Variants in TTC9 observed in about 807,000 individuals in gnomAD.
TTC9 encodes tetratricopeptide repeat protein 9A.
In TTC9, 13 loss-of-function variants were observed where a neutral mutation model predicts 22.9. The ratio of observed to expected loss-of-function variants is 0.57; its 90% CI spans 0.37 to 0.90. The LOEUF (loss-of-function observed/expected upper bound fraction) is 0.90. Ranked by LOEUF, TTC9 falls within the 40% of genes least tolerant of loss-of-function variation. The pLI is 0.01. For synonymous variants in TTC9, 148 were observed against 133.2 expected (o/e 1.11, Z -0.77); for missense variants, 280 against 291.8 (o/e 0.96, Z 0.29).
chr14:70,670,873 C>A (rs1470132432), intron 2 of TTC9, among the ~76,000 whole-genome samples: 1 of 151,996 alleles, frequency 6.6e-6, no homozygotes, highest in Non-Finnish European at 1.5e-5. Flanking sequence ...TCATGCCAAC[C>A]TGTCCACATT....
At chr14:70,654,378 G>T (rs1261430988) in intron 1 of TTC9, among the ~76,000 whole-genome samples, 1 of 151,886 alleles carries the variant, frequency 6.6e-6, no homozygotes, top group Admixed American at 6.6e-5. Context: ...ACCACCTGAG[G>T]TCAGGAGTTT....
chr14:70,651,605 G>C (rs1885985801), intron 1 of TTC9, among the ~76,000 whole-genome samples: 1 of 152,144 alleles, frequency 6.6e-6, no homozygotes, highest in South Asian at 2.1e-4. Flanking sequence ...CACACAAAGG[G>C]CTAGATCCTG....
At chr14:70,663,106 TC>T (rs1886167187) in intron 1 of TTC9, among the ~76,000 whole-genome samples, 2 of 152,180 alleles carry the variant, frequency 1.3e-5, no homozygotes, top group Admixed American at 6.5e-5. Context: ...CACAATGAAG[TC>T]CCAGATCTTC....
At position 70,642,011 on chromosome 14, in the gene TTC9, G is replaced by A. The variant is rs571760455; in HGVS notation, c.-119G>A. 232 of 656,882 alleles carry A rather than the reference G, an allele frequency of 3.5e-4. 2 individuals carry two copies. The African/African-American group carries it at 4.3e-3, about 12-fold the overall frequency. 40.7% of individuals were successfully genotyped at this position (656,882 alleles called of 1,614,324 possible). Reference sequence around the variant, plus strand: ...CAGACCGCCGCGGGGTGTCACGGCCGCCACGAAGCCTGCGAGGCGCGGGGC... The same window carrying A: ...CAGACCGCCGCGGGGTGTCACGGCCACCACGAAGCCTGCGAGGCGCGGGGC... On this transcript the variant is annotated 5_prime_UTR_variant, in exon 1 of 3. Coordinates refer to ENST00000256367, the MANE Select transcript of TTC9 (RefSeq NM_015351.2).
Position 70,671,275 on chromosome 14 carries a change from T to G in TTC9, c.*120T>G, listed in dbSNP as rs752829393. 10 of 809,952 alleles carry G rather than the reference T, an allele frequency of 1.2e-5. No individual in the cohort carries two copies. Among genetic ancestry groups the G allele is most frequent in the Non-Finnish European group, 1.9e-5 (10 of 515,148 alleles). 50.2% of individuals were successfully genotyped at this position (809,952 alleles called of 1,614,324 possible). ...CCCACTTCTTCTGGCTCCTCATTTT[T>G]CCTCCTGTTGCACCCCAGCTCTTTG... On this transcript the variant is annotated 3_prime_UTR_variant, in exon 3 of 3. Coordinates refer to ENST00000256367, the MANE Select transcript of TTC9 (RefSeq NM_015351.2).
At chr14:70,664,932 C>T (rs191843029) in intron 1 of TTC9, among the ~76,000 whole-genome samples, 17 of 152,172 alleles carry the variant, frequency 1.1e-4, no homozygotes, top group African/African-American at 3.4e-4. Flanking sequence ...CAGTTCCCAC[C>T]GGATCTGCAG....
chr14:70,653,107 A>G (rs77891733), intron 1 of TTC9, among the ~76,000 whole-genome samples: 1 of 152,250 alleles, frequency 6.6e-6, no homozygotes, highest in African/African-American at 2.4e-5. Flanking sequence ...AATGTACCAC[A>G]TAGGATTGTT....
intron 2 of TTC9, among the ~76,000 whole-genome samples, chr14:70,668,216 T>C (rs1228589291): frequency 6.6e-6 from 1 of 152,216 alleles, no homozygotes; most frequent in African/African-American, 2.4e-5. Context: ...TCAGATGCTA[T>C]TCCTTAGGAC....
At chr14:70,670,169 C>A (rs890343181) in intron 2 of TTC9, among the ~76,000 whole-genome samples, 1 of 152,212 alleles carries the variant, frequency 6.6e-6, no homozygotes, top group Admixed American at 6.5e-5. Context: ...GTATTACAGT[C>A]CTCAGGAGAG....
rs1295367626 is a variant in TTC9 at position 70,642,342 on chromosome 14, G to T, written c.213G>T (p.Lys71Asn). Reference sequence around the variant, plus strand: ...AAGGGGCGCAGTGCTACAAGGACAAGAAATTCCGTGAAGCCATAGGCAAAT... The same window carrying T: ...AAGGGGCGCAGTGCTACAAGGACAATAAATTCCGTGAAGCCATAGGCAAAT... ...KSQGAQCYKD[K>N]KFREAIGKYH... The change falls in exon 1 of 3, where the codon AAG becomes AAT. Residue 71 changes from lysine to asparagine, a missense_variant. Lys to Asn is a moderately conservative substitution (Grantham distance 94). Around this residue, in one of 5 missense-constraint regions of TTC9, gnomAD observed 165 missense variants for 145.4 expected, o/e 1.14. Coordinates refer to ENST00000256367, the MANE Select transcript of TTC9 (RefSeq NM_015351.2). 3 of 1,599,838 alleles carry T rather than the reference G, an allele frequency of 1.9e-6. No homozygotes were observed. Among genetic ancestry groups the T allele is most frequent in the Non-Finnish European group, 2.6e-6 (3 of 1,174,140 alleles).
At chr14:70,665,058 C>T (rs969884259) in intron 1 of TTC9, among the ~76,000 whole-genome samples, 3 of 152,126 alleles carry the variant, frequency 2.0e-5, no homozygotes, top group Non-Finnish European at 4.4e-5. Context: ...CTTCCCCTGC[C>T]CCTGTCACCA....
intron 1 of TTC9, among the ~76,000 whole-genome samples, chr14:70,647,747 A>G (rs1001578537): frequency 4.6e-5 from 7 of 152,176 alleles, no homozygotes; most frequent in Admixed American, 2.0e-4. Context: ...ATCAGACTTC[A>G]CTTAAACAAA....
intron 2 of TTC9, among the ~76,000 whole-genome samples, chr14:70,669,747 G>A (rs1048938893): frequency 1.3e-5 from 2 of 152,158 alleles, no homozygotes; most frequent in Non-Finnish European, 2.9e-5. Flanking sequence ...TAAGCAGCTT[G>A]AAGACTAACC....
At chr14:70,669,548 T>G (rs1886262822) in intron 2 of TTC9, among the ~76,000 whole-genome samples, 1 of 151,714 alleles carries the variant, frequency 6.6e-6, no homozygotes, top group Admixed American at 6.6e-5. Flanking sequence ...CCTAAAGTGC[T>G]GGGATTACAG....
At chr14:70,644,113 T>A (rs1885869290) in intron 1 of TTC9, among the ~76,000 whole-genome samples, 1 of 151,918 alleles carries the variant, frequency 6.6e-6, no homozygotes, top group Admixed American at 6.6e-5. Context: ...GACTTTGGAG[T>A]GGTAATGGAA....
intron 1 of TTC9, 21 bp downstream of exon 1, chr14:70,642,556 C>G (rs770702948): frequency 5.4e-5 from 82 of 1,526,962 alleles, no homozygotes; most frequent in Non-Finnish European, 6.8e-5. Context: ...CCGCGCCCCC[C>G]GCGCCGCGGT....
chr14:70,658,179 G>A (rs187935614), intron 1 of TTC9, among the ~76,000 whole-genome samples: 26 of 152,266 alleles, frequency 1.7e-4, no homozygotes, highest in Admixed American at 4.6e-4. Context: ...TGGGCTCAGC[G>A]GGTCACTTAA....
intron 1 of TTC9, among the ~76,000 whole-genome samples, chr14:70,649,792 G>A (rs1326884043): frequency 3.3e-5 from 5 of 152,208 alleles, no homozygotes; most frequent in Non-Finnish European, 7.3e-5. Context: ...CCTTCTGGCA[G>A]TTAGACATCC....
intron 1 of TTC9, among the ~76,000 whole-genome samples, chr14:70,666,401 T>C (rs1886215909): frequency 6.6e-6 from 1 of 152,184 alleles, no homozygotes; most frequent in Admixed American, 6.5e-5. Flanking sequence ...AGCTGGTCAC[T>C]AGCCTACCAG....
Sources: gnomAD v4.1 joint callset for allele counts (sites outside exome capture counted in the v4.1 genomes callset) on GRCh38, gnomAD v4.1.1 for gene constraint, gnomAD v4.1.1 regional missense constraint, MANE v1.5 for transcripts, NCBI Gene and HGNC (gene_info 2026-07-23, HGNC 2026-07-21) for gene names.